ATRX: variants seen among roughly 807,000 people sequenced by gnomAD.
ATRX encodes the protein ATRX chromatin remodeler.
ATRX carries 12 observed loss-of-function variants against 172.6 expected under a neutral mutation model. The observed-to-expected ratio is 0.07, with a 90% CI of 0.04 to 0.11. The LOEUF (loss-of-function observed/expected upper bound fraction) is 0.11, where lower values mean the gene tolerates loss of function less well. Among genes scored for constraint, ATRX ranks in the 10% least tolerant of loss-of-function variants. ATRX has a pLI of 1.00. For synonymous variants in ATRX, 674 were observed against 594.7 expected, an observed-to-expected ratio of 1.13 and a Z score of -1.94; for missense variants, 1,368 against 1,767.4, an observed-to-expected ratio of 0.77 and a Z score of 4.05.
chrX:77,546,910 T>A, intron 30 of ATRX, among the ~76,000 whole-genome samples: 1 of 112,240 alleles, frequency 8.9e-6, no homozygotes, highest in South Asian at 3.7e-4. Flanking sequence ...AGCACAAAAA[T>A]TCATTTGTTC....
At chrX:77,585,583 C>CAAAA (rs781792876) in intron 27 of ATRX, among the ~76,000 whole-genome samples, 413 of 8,555 alleles carry the variant, frequency 0.048, 183 homozygotes, top group Non-Finnish European at 0.077. Context: ...CTCCCCCCAC[C>CAAAA]AAAAAAAAAA....
chrX:77,559,461 T>C lies in ATRX; in HGVS notation c.6327-615A>G, dbSNP rs1279775792. Among the ~76,000 whole-genome samples, 3 of 70,622 alleles carry C rather than the reference T, an allele frequency of 4.2e-5. No homozygotes were observed. The East Asian group carries it at 1.2e-3, about 28-fold the overall frequency. 61.3% of individuals were successfully genotyped at this position (70,622 alleles called of 115,157 possible). ...TTTCTTTCTTTCCCTTTTTTTTTTTTTTTTTTTTTTTTTTTGAGACGGAGA... is the reference window on the plus strand; with the variant it reads ...TTTCTTTCTTTCCCTTTTTTTTTTTCTTTTTTTTTTTTTTTGAGACGGAGA... On this transcript the variant is annotated intron_variant, in intron 28 of 34. Transcript: ENST00000373344.
At chrX:77,711,344 A>C (rs1013462064) in intron 2 of ATRX, among the ~76,000 whole-genome samples, 7 of 112,214 alleles carry the variant, frequency 6.2e-5, no homozygotes, top group Non-Finnish European at 1.1e-4. Flanking sequence ...AAAATACAGA[A>C]AATCCTAGCT....
At chrX:77,763,300 A>G (rs782123561) in intron 1 of ATRX, among the ~76,000 whole-genome samples, 25 of 108,408 alleles carry the variant, frequency 2.3e-4, no homozygotes, top group Admixed American at 5.0e-4. Flanking sequence ...GCCTGCCACC[A>G]TGCCCAGCTA....
intron 30 of ATRX, among the ~76,000 whole-genome samples, chrX:77,533,468 A>C (rs782031654): frequency 2.3e-4 from 26 of 112,173 alleles, no homozygotes; most frequent in Non-Finnish European, 4.1e-4. Context: ...AAGGAACAAG[A>C]TCATGTCCTT....
At chrX:77,573,759 A>G (rs1392914102) in intron 28 of ATRX, among the ~76,000 whole-genome samples, 1 of 111,820 alleles carries the variant, frequency 8.9e-6, no homozygotes, top group Non-Finnish European at 1.9e-5. Flanking sequence ...ACTGCTTGAT[A>G]GTTTCTTACA....
At chrX:77,555,407 G>A (rs2064736569) in intron 30 of ATRX, among the ~76,000 whole-genome samples, 1 of 111,589 alleles carries the variant, frequency 9.0e-6, no homozygotes, top group African/African-American at 3.3e-5. Flanking sequence ...ACATGCACAC[G>A]TATGTTTATC....
At chrX:77,614,660 T>C (rs1246007294) in intron 22 of ATRX, among the ~76,000 whole-genome samples, 3 of 111,981 alleles carry the variant, frequency 2.7e-5, no homozygotes, top group African/African-American at 9.7e-5. Flanking sequence ...GAATATGCAA[T>C]GATCAAGTCA....
intron 22 of ATRX, among the ~76,000 whole-genome samples, chrX:77,610,473 G>C (rs1196633860): frequency 9.0e-6 from 1 of 111,728 alleles, no homozygotes; most frequent in Non-Finnish European, 1.9e-5. Flanking sequence ...ATCTTGAGAC[G>C]TGGTTGATGG....
chrX:77,766,059 A>G (rs1425929166), intron 1 of ATRX, among the ~76,000 whole-genome samples: 1 of 112,558 alleles, frequency 8.9e-6, no homozygotes, highest in Non-Finnish European at 1.9e-5. Flanking sequence ...TTCTTAGTAC[A>G]GAACAAAATG....
In ATRX at chrX:77,663,509, A is replaced by G; in HGVS notation, c.3993T>C (p.Ser1331=). The change falls in exon 12 of 35, where the codon TCT becomes TCC. Residue 1331 remains serine, a synonymous_variant. Coordinates refer to ENST00000373344, the MANE Select transcript of ATRX (RefSeq NM_000489.6). The part of the protein sequence containing the change: ...NSESDSDSEE[S]KKPRYRHRLL... ...GCCTATGTCTGTATCTTGGCTTCTTAGATTCTTCAGAATCTGAATCTGATT... is the reference window on the plus strand; with the variant it reads ...GCCTATGTCTGTATCTTGGCTTCTTGGATTCTTCAGAATCTGAATCTGATT... The G allele has an allele frequency of 2.5e-6, 3 of 1,210,721 alleles. No homozygotes were observed. The highest frequency in any genetic ancestry group is 2.2e-6 in the Non-Finnish European group (2 of 894,855).
chrX:77,696,539 T>C (rs1239264322), intron 5 of ATRX, 38 bp downstream of exon 5: 1 of 1,187,354 alleles, frequency 8.4e-7, no homozygotes, highest in Non-Finnish European at 1.1e-6. Context: ...TAAAAATTCA[T>C]TTCAACTTTA....
At chrX:77,652,028 T>G in intron 15 of ATRX, 86 bp downstream of exon 15, 4 of 1,047,326 alleles carry the variant, frequency 3.8e-6, no homozygotes, top group Non-Finnish European at 5.3e-6. Context: ...GAGGATCACT[T>G]GAGCCCAAGA....
At chrX:77,640,700 G>C (rs1286434929) in intron 15 of ATRX, among the ~76,000 whole-genome samples, 1 of 111,330 alleles carries the variant, frequency 9.0e-6, no homozygotes, top group African/African-American at 3.3e-5. Flanking sequence ...GTGCCTGAAG[G>C]ATCAGGGAAA....
Position 77,697,646 on chromosome X carries a change from G to A in ATRX, c.190-11C>T, listed in dbSNP as rs1279814829. 4 of 1,200,476 alleles carry A rather than the reference G, an allele frequency of 3.3e-6. No individual in the cohort carries two copies. Among genetic ancestry groups the A allele is most frequent in the South Asian group, 1.8e-5 (1 of 55,890 alleles). ...TGAAGAGCTAGTTCCCTAGATGTGA[G>A]ACATAAATATAAAAGTGAATAAAAT... On this transcript the variant is annotated splice_polypyrimidine_tract_variant and intron_variant, in intron 3 of 34. Coordinates refer to ENST00000373344, the MANE Select transcript of ATRX (RefSeq NM_000489.6).
At chrX:77,772,531 C>T (rs1297051033) in intron 1 of ATRX, among the ~76,000 whole-genome samples, 1 of 105,331 alleles carries the variant, frequency 9.5e-6, no homozygotes, top group Non-Finnish European at 1.9e-5. Flanking sequence ...GGCTGGCGGG[C>T]AGTGGCGCCA....
rs1313677185 is a variant in ATRX, at chrX:77,542,865, C to T, written c.6699+14586G>A. Among the ~76,000 whole-genome samples, 3 of 111,821 alleles carry T rather than the reference C, an allele frequency of 2.7e-5. No individual in the cohort carries two copies. In the Admixed American group the frequency reaches 2.9e-4, roughly 11 times the overall value. On this transcript the variant is annotated intron_variant, in intron 30 of 34. Transcript: ENST00000373344. ...CATAAGACCTAAAACCATAAAAATC[C>T]TAGAAGAAAACCTAGGCAATACCAT...
chrX:77,633,816 C>T (rs2068220998), intron 17 of ATRX, 104 bp from the exon 18 acceptor site: 23 of 920,050 alleles, frequency 2.5e-5, no homozygotes, highest in African/African-American at 4.0e-5. Context: ...AAACAATAAA[C>T]GGCCAGAATT....
rs782174740 is a variant in ATRX at position 77,589,874 on chromosome X, C to T, written c.6177G>A (p.Arg2059=). 1.7e-6 allele frequency: 2 copies of T among 1,208,989 alleles called. No individual in the cohort carries two copies. Among genetic ancestry groups the T allele is most frequent in the Non-Finnish European group, 2.2e-6 (2 of 893,723 alleles). The change falls in exon 27 of 35, where the codon AGG becomes AGA. Residue 2059 remains arginine (R), a synonymous_variant. Coordinates refer to ENST00000373344, the MANE Select transcript of ATRX (RefSeq NM_000489.6). ...GTTTATCTTTATCTTCTGTCTTCTCCCTACTAGCTAATTCAAGAAAATCTT... is the reference window on the plus strand; with the variant it reads ...GTTTATCTTTATCTTCTGTCTTCTCTCTACTAGCTAATTCAAGAAAATCTT... ...LIEDFLELAS[R]EKTEDKDKPL... is the part of the protein sequence containing the mutation.
Sources: gnomAD v4.1 joint callset for allele counts (sites outside exome capture counted in the v4.1 genomes callset) on GRCh38, gnomAD v4.1.1 for gene constraint, MANE v1.5 for transcripts, NCBI Gene and HGNC (gene_info 2026-07-23, HGNC 2026-07-21) for gene names.